The following SNX27 variants were observed in gnomAD, a reference collection of about 807,000 sequenced individuals.
The protein encoded by SNX27 is sorting nexin 27.
SNX27 carries 22 observed loss-of-function variants against 71.6 expected under a neutral mutation model. The ratio of observed to expected loss-of-function variants is 0.31; its 90% confidence interval spans 0.22 to 0.44. The LOEUF (loss-of-function observed/expected upper bound fraction) is 0.44, where lower values mean the gene tolerates loss of function less well. SNX27 is among the 20% of genes least tolerant of loss of function. The pLI is 1.00. For synonymous variants in SNX27, 269 were observed against 277.2 expected, an observed-to-expected ratio of 0.97 and a Z score of 0.29; for missense variants, 531 against 698.6, an observed-to-expected ratio of 0.76 and a Z score of 2.70.
At chr1:151,669,740 A>T (rs973004734) in intron 7 of SNX27, among the ~76,000 whole-genome samples, 15 of 151,910 alleles carry the variant, frequency 9.9e-5, no homozygotes, top group African/African-American at 3.4e-4. Context: ...TATATATGTA[A>T]TTTTTTATTT....
chr1:151,650,014 A>G (rs1421222473), intron 2 of SNX27, among the ~76,000 whole-genome samples: 4 of 151,956 alleles, frequency 2.6e-5, no homozygotes. Context: ...CAGCCTCCCA[A>G]GTAGCTGGGA....
chr1:151,678,092 G>T (rs1268506659), intron 7 of SNX27: 1 of 151,802 alleles, frequency 6.6e-6, no homozygotes, highest in Non-Finnish European at 1.5e-5. Context: ...GTGCAGTGCT[G>T]CGGTCATAGC....
Position 151,697,521 on chromosome 1 carries a change from C to A in SNX27, c.*3104C>A, listed in dbSNP as rs1048694. On this transcript the variant is annotated 3_prime_UTR_variant, in exon 12 of 12. Coordinates refer to ENST00000458013, the MANE Select transcript of SNX27 (RefSeq NM_001330723.2). ...CCTTTTGAAAGTGTCCCAGTAACAA[C>A]GCACCCAGCTGCAGCAAGGAGGTGG... The A allele has an allele frequency of 0.44, 67,851 of 152,588 alleles. 16,678 individuals are homozygous for A. The highest frequency in any genetic ancestry group is 0.63 in the East Asian group (3,255 of 5,160). The allele number at this position is 152,588 out of a possible 1,614,324, so 9.5% of individuals were successfully genotyped here. A position where few individuals can be genotyped will look rare whatever the true frequency, so the allele number is the denominator to read the frequency against.
At chr1:151,676,432 A>G (rs1485364423) in intron 7 of SNX27, 2 of 151,016 alleles carry the variant, frequency 1.3e-5, no homozygotes, top group Non-Finnish European at 1.5e-5. Context: ...CAGCCTCCTG[A>G]GTAGCTGGGA....
chr1:151,674,124 C>T (rs778717946), intron 7 of SNX27, among the ~76,000 whole-genome samples: 16 of 151,940 alleles, frequency 1.1e-4, no homozygotes, highest in Non-Finnish European at 1.6e-4. Flanking sequence ...TCCTTCTTTC[C>T]TTCCTTCCTG....
chr1:151,684,179 G>A (rs756545995), intron 8 of SNX27, among the ~76,000 whole-genome samples: 5 of 151,978 alleles, frequency 3.3e-5, no homozygotes, highest in East Asian at 1.9e-4. Flanking sequence ...TTTATGCTCC[G>A]TAGTGCTCTT....
At chr1:151,655,279 G>T (rs2102670856) in intron 2 of SNX27, among the ~76,000 whole-genome samples, 1 of 152,248 alleles carries the variant, frequency 6.6e-6, no homozygotes, top group Admixed American at 6.5e-5. Flanking sequence ...ATTCCATGCA[G>T]ATTTAGGGAG....
Position 151,612,237 on chromosome 1 carries a change from A to T in SNX27, c.36A>T (p.Ser12=). The change falls in exon 1 of 12, where the codon TCA becomes TCT. Residue 12 remains serine, a synonymous_variant. Transcript: ENST00000458013. The surrounding 1 kb of genome is among the most constrained non-coding windows in gnomAD (Gnocchi z 5.2). ...AGGACGGGGAAGGGATTCATCCCTC[A>T]GCCCCTCACAGGAACGGAGGTGGCG... ...ADEDGEGIHP[S]APHRNGGGGG... The T allele has an allele frequency of 7.0e-7, 1 of 1,420,462 alleles. No individual in the cohort carries two copies. The highest frequency in any genetic ancestry group is 9.2e-7 in the Non-Finnish European group (1 of 1,089,348). 88.0% of individuals were successfully genotyped at this position (1,420,462 alleles called of 1,614,324 possible).
chr1:151,655,182 C>A (rs968023253), intron 2 of SNX27, among the ~76,000 whole-genome samples: 10 of 151,642 alleles, frequency 6.6e-5, no homozygotes, highest in African/African-American at 2.4e-4. Flanking sequence ...TGTTTTTAAG[C>A]TCTTTTTGAG....
chr1:151,688,325 T>A, intron 8 of SNX27, among the ~76,000 whole-genome samples: 1 of 152,162 alleles, frequency 6.6e-6, no homozygotes, highest in East Asian at 1.9e-4. Flanking sequence ...AATATCCTTA[T>A]GTAAACATGC....
At chr1:151,622,243 A>T (rs1667707525) in intron 1 of SNX27, among the ~76,000 whole-genome samples, 1 of 152,234 alleles carries the variant, frequency 6.6e-6, no homozygotes, top group Non-Finnish European at 1.5e-5. Context: ...TGTCTTTCAT[A>T]AATGAAGGTA....
chr1:151,688,309 C>T (rs1671279684), intron 8 of SNX27, among the ~76,000 whole-genome samples: 1 of 152,106 alleles, frequency 6.6e-6, no homozygotes, highest in East Asian at 1.9e-4. Context: ...ACCAAATACC[C>T]TTTTAAATAT....
At chr1:151,658,129 A>T in intron 2 of SNX27, 106 bp from the exon 3 acceptor site, 2 of 1,001,616 alleles carry the variant, frequency 2.0e-6, no homozygotes, top group Non-Finnish European at 2.9e-6. Flanking sequence ...TCTTTGTTAA[A>T]TGCATAGCAG....
chr1:151,658,865 TA>T (rs1467748866), intron 3 of SNX27, among the ~76,000 whole-genome samples: 3 of 139,540 alleles, frequency 2.1e-5, no homozygotes, highest in Non-Finnish European at 4.7e-5. Flanking sequence ...TTGTATTTTT[TA>T]GTAGAGACAG....
At chr1:151,651,534 C>T (rs1282528563) in intron 2 of SNX27, among the ~76,000 whole-genome samples, 3 of 148,772 alleles carry the variant, frequency 2.0e-5, no homozygotes, top group Non-Finnish European at 3.0e-5. Flanking sequence ...ACGGGGCGGC[C>T]GGGCAGAGAT....
intron 1 of SNX27, among the ~76,000 whole-genome samples, chr1:151,620,637 A>G (rs894803862): frequency 1.2e-4 from 18 of 151,288 alleles, no homozygotes; most frequent in Non-Finnish European, 1.9e-4. Flanking sequence ...GTGTGCTACA[A>G]GCCTGTTGTG....
chr1:151,650,852 C>A lies in SNX27; in HGVS notation c.544-7383C>A, dbSNP rs1446971550. Among the ~76,000 whole-genome samples the A allele has an allele frequency of 4.5e-4, 68 of 152,010 alleles. 1 individual carries two copies. Among genetic ancestry groups the A allele is most frequent in the Non-Finnish European group, 1.2e-4 (8 of 67,902 alleles). ...CATCTGTTTAACAAAGCACATCTTG[C>A]ACCGCCCTTAATCCATTTAACCCTG... On this transcript the variant is annotated intron_variant, in intron 2 of 11. Coordinates refer to ENST00000458013, the MANE Select transcript of SNX27 (RefSeq NM_001330723.2).
chr1:151,643,264 T>TTTTTTTTA (rs1425028915), intron 2 of SNX27, among the ~76,000 whole-genome samples: 8 of 139,110 alleles, frequency 5.8e-5, no homozygotes, highest in Admixed American at 2.2e-4. Context: ...ACGCCTGGCC[T>TTTTTTTTA]TTTATTTATT....
In SNX27 at chr1:151,694,566, C is replaced by G; in HGVS notation, c.*149C>G. On this transcript the variant is annotated 3_prime_UTR_variant, in exon 12 of 12. Coordinates refer to ENST00000458013, the MANE Select transcript of SNX27 (RefSeq NM_001330723.2). ...CCTAAACTAAATATTATTAATAACC[C>G]CCTCTGAATTTCATGTCTCTGGAAT... 1 of 724,760 alleles carries G rather than the reference C, an allele frequency of 1.4e-6. No individual in the cohort carries two copies. The highest frequency in any genetic ancestry group is 3.1e-5 in the East Asian group (1 of 32,502). The allele number at this position is 724,760 out of a possible 1,614,324, so 44.9% of individuals were successfully genotyped here.
Sources: allele counts gnomAD v4.1 joint callset (sites outside exome capture counted in the v4.1 genomes callset), GRCh38; gene constraint gnomAD v4.1.1; non-coding constraint Gnocchi (gnomAD v3.1); transcripts MANE v1.5; gene names NCBI Gene and HGNC (gene_info 2026-07-23, HGNC 2026-07-21).